PLAC1: variants seen among roughly 807,000 people sequenced by gnomAD.
The protein encoded by PLAC1 is placenta-specific protein 1.
For synonymous variants in PLAC1, 68 were observed against 62.1 expected, an observed-to-expected ratio of 1.09 and a Z score of -0.44; for missense variants, 136 against 163.2, an observed-to-expected ratio of 0.83 and a Z score of 0.91.
intron 2 of PLAC1, among the ~76,000 whole-genome samples, chrX:134,682,574 T>C (rs761671009): frequency 9.1e-6 from 1 of 109,806 alleles, no homozygotes; most frequent in South Asian, 4.0e-4. Context: ...TTTTTTGACA[T>C]GGAGTCTCGC....
rs1232213684 is a variant in PLAC1 at position 134,578,970 on chromosome X, AAGT to A, written c.-58-12233_-58-12231del. On this transcript the variant is annotated intron_variant, in intron 2 of 2. Coordinates refer to ENST00000359237, the MANE Select transcript of PLAC1 (RefSeq NM_021796.4). The stretch of plus-strand genomic sequence containing the variant: ...AGAAATACTTTCTATTTCACCTAGA[AAGT>A]AGTAGTAGTGATGACTTTAAAAATA... 6.3e-5 allele frequency among the ~76,000 whole-genome samples: 7 copies of A among 111,371 alleles called. No individual in the cohort carries two copies. The East Asian group carries it at 2.0e-3, about 31-fold the overall frequency.
At chrX:134,745,711 G>A (rs1337225564) in intron 1 of PLAC1, among the ~76,000 whole-genome samples, 1 of 111,606 alleles carries the variant, frequency 9.0e-6, no homozygotes, top group Non-Finnish European at 1.9e-5. Context: ...TTTCCCTTCT[G>A]GCCAGACTCC....
At chrX:134,619,744 C>CTTTAAATAAGA (rs1174258956) in intron 1 of PLAC1, among the ~76,000 whole-genome samples, 23 of 110,910 alleles carry the variant, frequency 2.1e-4, no homozygotes, top group South Asian at 7.6e-4. Context: ...CTTTAAATAA[C>CTTTAAATAAGA]AAGCCGATCT....
At chrX:134,677,756 A>G (rs1016752450) in intron 2 of PLAC1, among the ~76,000 whole-genome samples, 3 of 111,540 alleles carry the variant, frequency 2.7e-5, no homozygotes, top group Non-Finnish European at 5.6e-5. Flanking sequence ...GGGGGGTGAC[A>G]TGTTCTGACT....
At chrX:134,660,871 C>T (rs962528415), upstream of PLAC1, among the ~76,000 whole-genome samples, 1 of 112,146 alleles carries the variant, frequency 8.9e-6, no homozygotes, top group Non-Finnish European at 1.9e-5. Flanking sequence ...AGCCTCTTAG[C>T]TCTGCCACTG....
At chrX:134,720,123 T>C (rs964270454) in intron 2 of PLAC1, among the ~76,000 whole-genome samples, 1 of 111,723 alleles carries the variant, frequency 9.0e-6, no homozygotes, top group African/African-American at 3.2e-5. Context: ...AAAAAACTAT[T>C]AGAGCTAATA....
chrX:134,604,048 G>A (rs2078110888), intron 1 of PLAC1, among the ~76,000 whole-genome samples: 1 of 112,380 alleles, frequency 8.9e-6, no homozygotes, highest in South Asian at 3.6e-4. Context: ...ACAGAGCTAG[G>A]ACTAGAGCTC....
intron 1 of PLAC1, among the ~76,000 whole-genome samples, chrX:134,634,143 A>G (rs2078273308): frequency 1.8e-5 from 2 of 111,958 alleles, no homozygotes; most frequent in African/African-American, 6.5e-5. Flanking sequence ...AAAGGGGGAA[A>G]AAAACCCCAA....
At chrX:134,755,327 T>C (rs909459397) in intron 1 of PLAC1, among the ~76,000 whole-genome samples, 2 of 112,712 alleles carry the variant, frequency 1.8e-5, no homozygotes, top group African/African-American at 3.2e-5. Flanking sequence ...CTCTGTAGTT[T>C]GTTTGTTCAT....
intron 2 of PLAC1, among the ~76,000 whole-genome samples, chrX:134,571,973 T>A (rs770114434): frequency 7.1e-5 from 8 of 111,970 alleles, no homozygotes; most frequent in Non-Finnish European, 1.3e-4. Context: ...TTATCATTTG[T>A]ATATTGTTTT....
rs555471057 is a variant in PLAC1, at chrX:134,710,171, A to C, written n.174+23264T>G. ...ATCAACACAATGGAAAAAGGAGCAA[A>C]GAATACCAACAGACAACTGGCAGAA... On this transcript the variant is annotated intron_variant and non_coding_transcript_variant, in intron 2 of 2. Coordinates refer to the PLAC1 transcript ENST00000466797. 2.8e-4 allele frequency among the ~76,000 whole-genome samples: 32 copies of C among 112,345 alleles called. No individual in the cohort carries two copies. In the South Asian group the frequency reaches 0.012, roughly 41 times the overall value.
intron 1 of PLAC1, among the ~76,000 whole-genome samples, chrX:134,610,934 C>A (rs967222017): frequency 3.6e-5 from 4 of 111,464 alleles, no homozygotes; most frequent in Admixed American, 9.6e-5. Flanking sequence ...CTCAAGTGTT[C>A]CTCCTACCCC....
chrX:134,690,191 A>G (rs1162181091), intron 2 of PLAC1, among the ~76,000 whole-genome samples: 3 of 112,543 alleles, frequency 2.7e-5, no homozygotes, highest in Non-Finnish European at 5.6e-5. Flanking sequence ...TCAGAATTAA[A>G]TACACTTTTA....
At chrX:134,631,369 TCAAAG>T (rs2078260855) in intron 1 of PLAC1, among the ~76,000 whole-genome samples, 1 of 111,607 alleles carries the variant, frequency 9.0e-6, no homozygotes, top group Non-Finnish European at 1.9e-5. Flanking sequence ...GGTGTCCAAC[TCAAAG>T]CCACCATTCC....
chrX:134,726,409 T>C (rs2078674261), intron 2 of PLAC1, among the ~76,000 whole-genome samples: 1 of 112,127 alleles, frequency 8.9e-6, no homozygotes, highest in Admixed American at 9.5e-5. Flanking sequence ...TTACTTTCCC[T>C]TATAATCGGG....
At chrX:134,732,282 C>T (rs759047414) in intron 2 of PLAC1, among the ~76,000 whole-genome samples, 1 of 111,646 alleles carries the variant, frequency 9.0e-6, no homozygotes, top group African/African-American at 3.3e-5. Flanking sequence ...CTAATGGGTG[C>T]AGAGGAGGCT....
intron 2 of PLAC1, among the ~76,000 whole-genome samples, chrX:134,589,939 T>C (rs1342892993): frequency 9.0e-6 from 1 of 111,146 alleles, no homozygotes; most frequent in Non-Finnish European, 1.9e-5. Flanking sequence ...CTCACGCCTG[T>C]AATCCCAGCA....
intron 2 of PLAC1, among the ~76,000 whole-genome samples, chrX:134,683,949 A>G (rs143145145): frequency 0.053 from 5,902 of 112,068 alleles, 386 homozygotes; most frequent in African/African-American, 0.18. Context: ...GCAAGGTATC[A>G]GAAGTCCCTT....
intron 2 of PLAC1, among the ~76,000 whole-genome samples, chrX:134,670,796 C>A (rs1427645204): frequency 8.9e-6 from 1 of 112,164 alleles, no homozygotes; most frequent in East Asian, 2.8e-4. Flanking sequence ...CCAATCATGA[C>A]CCATTGCCTT....
Sources: allele counts gnomAD v4.1 joint callset (sites outside exome capture counted in the v4.1 genomes callset), GRCh38; gene constraint gnomAD v4.1.1; transcripts MANE v1.5; gene names NCBI Gene and HGNC (gene_info 2026-07-23, HGNC 2026-07-21).